Variants in MGAM observed in about 807,000 individuals in gnomAD.
MGAM encodes maltase-glucoamylase.
MGAM carries 253 observed loss-of-function variants against 358.8 expected under a neutral mutation model. That is an observed-to-expected ratio of 0.71 (90% CI 0.64 to 0.78). MGAM has a LOEUF of 0.78. Among genes scored for constraint, MGAM ranks in the 30% least tolerant of loss-of-function variants. The probability of loss-of-function intolerance (pLI) is 0.00; values close to 1 mark genes in which losing one functional copy is unlikely to be tolerated. For missense variants in MGAM, 3,080 were observed against 3,432.6 expected (o/e 0.90, Z 2.57); for synonymous variants, 1,105 against 1,227.1 (o/e 0.90, Z 2.08).
chr7:141,986,615 A>C (rs1261924833), intron 2 of MGAM, among the ~76,000 whole-genome samples: 2 of 152,172 alleles, frequency 1.3e-5, no homozygotes, highest in Non-Finnish European at 2.9e-5. Context: ...GACTGAGGGG[A>C]AATATACCTA....
At chr7:142,006,540 T>C (rs1046173481) in intron 2 of MGAM, among the ~76,000 whole-genome samples, 5 of 152,188 alleles carry the variant, frequency 3.3e-5, no homozygotes, top group Non-Finnish European at 7.4e-5. Context: ...CTGCTTTTGC[T>C]GTGACTGGGC....
intron 68 of MGAM, among the ~76,000 whole-genome samples, chr7:142,101,192 T>G (rs1041325662): frequency 6.6e-6 from 1 of 152,166 alleles, no homozygotes; most frequent in Non-Finnish European, 1.5e-5. Flanking sequence ...GGATTTATGG[T>G]CAAGGACACA....
Position 142,065,510 on chromosome 7 carries a change from G to A in MGAM, c.4618+42G>A, listed in dbSNP as rs1227951962. On this transcript the variant is annotated intron_variant, in intron 38 of 70. Coordinates refer to ENST00000475668, the MANE Select transcript of MGAM (RefSeq NM_001365693.1). ...CCAGGGCCTTTGCCGACAGGGCAGGGAGTTGGGATCCTTAGGGAAGAGGTG... is the reference window on the plus strand; with the variant it reads ...CCAGGGCCTTTGCCGACAGGGCAGGAAGTTGGGATCCTTAGGGAAGAGGTG... The A allele has an allele frequency of 1.9e-6, 3 of 1,613,994 alleles. No homozygotes were observed. In the South Asian group the frequency reaches 3.3e-5, roughly 18 times the overall value.
In MGAM at chr7:142,044,166, A is replaced by ACATTATATACACATACGACGTATAATATG. The variant is rs1563153324; in HGVS notation, c.2498+3320_2498+3321insCATTATATACACATACGACGTATAATATG. Reference sequence around the variant, plus strand: ...TATATACACATACGACGTATAATATATACATTATATACACATACGACATAT... The same window carrying ACATTATATACACATACGACGTATAATATG: ...TATATACACATACGACGTATAATATACATTATATACACATACGACGTATAATATGTACATTATATACACATACGACATAT... On this transcript the variant is annotated intron_variant, in intron 21 of 70. Transcript: ENST00000475668. 6.8e-3 allele frequency among the ~76,000 whole-genome samples: 499 copies of ACATTATATACACATACGACGTATAATATG among 73,822 alleles called. 57 individuals are homozygous for ACATTATATACACATACGACGTATAATATG. Among genetic ancestry groups the ACATTATATACACATACGACGTATAATATG allele is most frequent in the African/African-American group, 0.018 (477 of 25,964 alleles). The allele number at this position is 73,822 out of a possible 152,430, so 48.4% of individuals were successfully genotyped here. A position where few individuals can be genotyped will look rare whatever the true frequency, so the allele number is the denominator to read the frequency against.
At chr7:142,084,458 A>C in intron 53 of MGAM, 61 bp from the exon 54 acceptor site, 2 of 1,490,720 alleles carry the variant, frequency 1.3e-6, no homozygotes, top group Non-Finnish European at 9.2e-7. Flanking sequence ...TTATTACTTG[A>C]TGTAAAACTT....
At chr7:142,030,306 T>G in intron 10 of MGAM, 56 bp from the exon 11 acceptor site, 1 of 1,572,948 alleles carries the variant, frequency 6.4e-7, no homozygotes, top group South Asian at 1.2e-5. Context: ...AAATTTGATT[T>G]CATTTTACTA....
chr7:142,029,253 G>A (rs190126253), intron 10 of MGAM, among the ~76,000 whole-genome samples: 39 of 152,132 alleles, frequency 2.6e-4, no homozygotes, highest in Admixed American at 1.7e-3. Flanking sequence ...CCAGCTATTC[G>A]GGAAGCTGAG....
At chr7:141,995,788 T>G (rs2128972870), upstream of MGAM, 1 of 152,342 alleles carries the variant, frequency 6.6e-6, no homozygotes, top group African/African-American at 2.4e-5. Context: ...GCCATTCATT[T>G]GCATTTGAAA....
intron 34 of MGAM, among the ~76,000 whole-genome samples, chr7:142,061,168 G>GA (rs948131235): frequency 1.3e-5 from 2 of 152,186 alleles, no homozygotes; most frequent in Non-Finnish European, 1.5e-5. Flanking sequence ...TATGAAGTTG[G>GA]AAAGGGTCAT....
chr7:142,095,915 A>G, intron 64 of MGAM: 1 of 818,668 alleles, frequency 1.2e-6, no homozygotes. Context: ...GAATGAGCAA[A>G]ACTGAAATGA....
upstream of MGAM, among the ~76,000 whole-genome samples, chr7:141,992,453 C>T (rs1030380160): frequency 3.3e-5 from 5 of 152,108 alleles, no homozygotes; most frequent in African/African-American, 1.2e-4. Flanking sequence ...TCTTTAAGGG[C>T]GATACCAAAC....
chr7:142,024,188 C>T (rs771138686), intron 7 of MGAM, among the ~76,000 whole-genome samples: 27 of 151,680 alleles, frequency 1.8e-4, no homozygotes, highest in Non-Finnish European at 3.2e-4. Context: ...GAGATTGAGC[C>T]GCTGCACTCC....
intron 54 of MGAM, among the ~76,000 whole-genome samples, chr7:142,085,224 A>G (rs976880936): frequency 2.0e-5 from 3 of 146,426 alleles, no homozygotes; most frequent in African/African-American, 7.3e-5. Context: ...GATCCAATGT[A>G]CCATCGCATA....
At chr7:141,990,770 C>T (rs1158606858) in intron 2 of MGAM, among the ~76,000 whole-genome samples, 5 of 151,848 alleles carry the variant, frequency 3.3e-5, no homozygotes, top group East Asian at 1.9e-4. Context: ...CATGCTGGTG[C>T]GCTGCACCGG....
chr7:141,987,797 G>C (rs1291340739), intron 2 of MGAM, among the ~76,000 whole-genome samples: 6 of 152,146 alleles, frequency 3.9e-5, no homozygotes, highest in African/African-American at 1.4e-4. Flanking sequence ...GCCATTTTCT[G>C]TATTTACTGC....
chr7:142,005,306 C>T (rs116542618), intron 1 of MGAM, among the ~76,000 whole-genome samples: 509 of 151,990 alleles, frequency 3.3e-3, no homozygotes, highest in African/African-American at 0.012. Context: ...AGACATGAGA[C>T]CTGAGATTTG....
Position 142,092,512 on chromosome 7 carries a change from C to A in MGAM, c.6946-9C>A, listed in dbSNP as rs1234788861. The stretch of plus-strand genomic sequence containing the variant: ...AAAAGTGAGGTATGTCTGTGTTTGG[C>A]ATTTCTAGGATATGAATGAACCATC... On this transcript the variant is annotated splice_polypyrimidine_tract_variant and intron_variant, in intron 58 of 70. Transcript: ENST00000475668. 7.1e-6 allele frequency: 11 copies of A among 1,539,556 alleles called. 1 individual carries two copies. Among genetic ancestry groups the A allele is most frequent in the Non-Finnish European group, 9.8e-6 (11 of 1,123,158 alleles).
chr7:142,101,258 G>T (rs1435903588), intron 68 of MGAM, among the ~76,000 whole-genome samples: 2 of 152,014 alleles, frequency 1.3e-5, no homozygotes, highest in African/African-American at 2.4e-5. Context: ...TCTATCCGTT[G>T]TATTATTTAT....
upstream of MGAM, among the ~76,000 whole-genome samples, chr7:141,995,321 A>T (rs57417523): frequency 0.082 from 12,489 of 152,084 alleles, 623 homozygotes; most frequent in South Asian, 0.13. Flanking sequence ...GTCTTGTTAG[A>T]TTTCTCTTAT....
Sources: allele counts gnomAD v4.1 joint callset (sites outside exome capture counted in the v4.1 genomes callset), GRCh38; gene constraint gnomAD v4.1.1; transcripts MANE v1.5; gene names NCBI Gene and HGNC (gene_info 2026-07-23, HGNC 2026-07-21).